ATXN7: variants seen among roughly 807,000 people sequenced by gnomAD.
ATXN7 encodes ataxin-7.
Under a neutral mutation model 70.5 loss-of-function variants are expected in ATXN7, and 12 were observed. The ratio of observed to expected loss-of-function variants is 0.17; its 90% CI spans 0.11 to 0.28. ATXN7 has a LOEUF of 0.28. Among genes scored for constraint, ATXN7 ranks in the 10% least tolerant of loss-of-function variants. ATXN7 has a pLI of 1.00. For missense variants in ATXN7, 1,256 were observed against 1,131.7 expected (o/e 1.11, Z -1.58); for synonymous variants, 498 against 448.7 (o/e 1.11, Z -1.39).
chr3:63,964,109 C>T (rs1486460306), intron 5 of ATXN7, among the ~76,000 whole-genome samples: 2 of 144,332 alleles, frequency 1.4e-5, no homozygotes, highest in African/African-American at 2.6e-5. Context: ...CACACACACA[C>T]GTATGATTAA....
chr3:63,944,982 G>A lies in ATXN7; in HGVS notation c.395-7397G>A, dbSNP rs112826319. On this transcript the variant is annotated intron_variant, in intron 4 of 12. Transcript: ENST00000674280. ...AATTTTTGTAATTTTAGTAGAGATGGAGTTTCACCATGTTGGCCAGGGTGG... is the reference window on the plus strand; with the variant it reads ...AATTTTTGTAATTTTAGTAGAGATGAAGTTTCACCATGTTGGCCAGGGTGG... Among the ~76,000 whole-genome samples, 715 of 152,276 alleles carry A rather than the reference G, an allele frequency of 4.7e-3. 2 individuals carry two copies. The highest frequency in any genetic ancestry group is 7.9e-3 in the Non-Finnish European group (540 of 68,014).
chr3:63,975,966 C>T (rs1449757678), intron 5 of ATXN7, among the ~76,000 whole-genome samples: 1 of 152,210 alleles, frequency 6.6e-6, no homozygotes, highest in African/African-American at 2.4e-5. Context: ...TGGAGCCATT[C>T]ATCATGCCCT....
chr3:63,990,663 C>T, intron 10 of ATXN7, 75 bp from the exon 11 acceptor site: 1 of 1,606,364 alleles, frequency 6.2e-7, no homozygotes, highest in African/African-American at 1.3e-5. Flanking sequence ...AGCTCCTTTC[C>T]TGAAGGATCT....
chr3:63,989,553 T>C lies in ATXN7; in HGVS notation c.1362-623T>C, dbSNP rs560822899. Among the ~76,000 whole-genome samples, 340 of 151,790 alleles carry C rather than the reference T, an allele frequency of 2.2e-3. 1 individual carries two copies. The highest frequency in any genetic ancestry group is 3.7e-3 in the Non-Finnish European group (254 of 67,956). On this transcript the variant is annotated intron_variant, in intron 9 of 12. Coordinates refer to ENST00000674280, the MANE Select transcript of ATXN7 (RefSeq NM_001377405.1). ...AAGAAAAATTGTGTCGTACTGAACA[T>C]GTATAGGCTTTTTTTTTTTCTTGTC...
At chr3:63,973,071 T>C (rs2075339800) in intron 5 of ATXN7, among the ~76,000 whole-genome samples, 1 of 152,166 alleles carries the variant, frequency 6.6e-6, no homozygotes, top group Non-Finnish European at 1.5e-5. Context: ...CAAAGTAGGC[T>C]TGGCAACTGA....
At chr3:63,919,913 A>G (rs768161980) in intron 4 of ATXN7, among the ~76,000 whole-genome samples, 45 of 151,794 alleles carry the variant, frequency 3.0e-4, no homozygotes, top group Non-Finnish European at 1.3e-4. Context: ...CCCTCATGGT[A>G]TGTAAATATG....
chr3:63,976,175 A>G (rs894201336), intron 5 of ATXN7, among the ~76,000 whole-genome samples: 1 of 152,180 alleles, frequency 6.6e-6, no homozygotes, highest in African/African-American at 2.4e-5. Flanking sequence ...CTGGGAGCAA[A>G]CACTTTTTTA....
chr3:63,999,483 C>T lies in ATXN7; in HGVS notation c.*16C>T, dbSNP rs1211731978. On this transcript the variant is annotated 3_prime_UTR_variant, in exon 13 of 13. Coordinates refer to ENST00000674280, the MANE Select transcript of ATXN7 (RefSeq NM_001377405.1). ...ACGTCCCTGACAGCTGAAAATAGCA[C>T]GGGGAGGAATAATGCGGACACTTTT... 2 of 1,613,832 alleles carry T rather than the reference C, an allele frequency of 1.2e-6. No individual in the cohort carries two copies. Among genetic ancestry groups the T allele is most frequent in the Non-Finnish European group, 8.5e-7 (1 of 1,179,926 alleles).
chr3:63,949,490 C>T (rs2074919164), intron 4 of ATXN7, among the ~76,000 whole-genome samples: 1 of 152,114 alleles, frequency 6.6e-6, no homozygotes, highest in Non-Finnish European at 1.5e-5. Context: ...CCTCCACCTC[C>T]CAGGTTCAAG....
intron 2 of ATXN7, chr3:63,904,664 T>A (rs1430419518): frequency 6.6e-6 from 1 of 152,238 alleles, no homozygotes; most frequent in Admixed American, 6.5e-5. Flanking sequence ...TGTTTCCACC[T>A]TTTGGCTTTT....
chr3:63,976,689 C>G (rs1179918158), intron 5 of ATXN7, among the ~76,000 whole-genome samples: 1 of 152,118 alleles, frequency 6.6e-6, no homozygotes, highest in East Asian at 1.9e-4. Flanking sequence ...ATTGAAAGGA[C>G]AAGCTTAAAG....
intron 5 of ATXN7, among the ~76,000 whole-genome samples, chr3:63,978,182 A>G (rs1176664032): frequency 2.0e-5 from 3 of 152,184 alleles, no homozygotes; most frequent in Non-Finnish European, 4.4e-5. Context: ...CCCCAAACGA[A>G]TTAACTCAGT....
chr3:63,865,627 C>A (rs1221576205), intron 1 of ATXN7, among the ~76,000 whole-genome samples: 2 of 152,182 alleles, frequency 1.3e-5, no homozygotes, highest in East Asian at 3.9e-4. Context: ...CGCGGTGGCT[C>A]ACGCCTGTAA....
chr3:63,944,521 G>A (rs1575931548), intron 4 of ATXN7, among the ~76,000 whole-genome samples: 1 of 152,274 alleles, frequency 6.6e-6, no homozygotes, highest in East Asian at 1.9e-4. Flanking sequence ...TGGGCAGGAT[G>A]GAGTGGGATG....
intron 4 of ATXN7, among the ~76,000 whole-genome samples, chr3:63,941,234 G>T (rs576286597): frequency 6.6e-6 from 1 of 152,096 alleles, no homozygotes; most frequent in African/African-American, 2.4e-5. Flanking sequence ...TGGTCGTCTG[G>T]TGCAGGGGTC....
At position 63,990,735 on chromosome 3, in the gene ATXN7, C is replaced by T; in HGVS notation, c.1561-3C>T. On this transcript the variant is annotated splice_region_variant and splice_polypyrimidine_tract_variant and intron_variant, in intron 10 of 12. Transcript: ENST00000674280. ...AAGCACGCGGCTATGTTTTCTCTTG[C>T]AGTTTTGCACATTTGGGAGCCGGCA... 3 of 1,614,146 alleles carry T rather than the reference C, an allele frequency of 1.9e-6. No individual in the cohort carries two copies. Among genetic ancestry groups the T allele is most frequent in the Non-Finnish European group, 2.5e-6 (3 of 1,180,024 alleles).
intron 4 of ATXN7, among the ~76,000 whole-genome samples, chr3:63,942,889 G>A (rs2074794758): frequency 6.6e-6 from 1 of 152,164 alleles, no homozygotes; most frequent in Non-Finnish European, 1.5e-5. Flanking sequence ...TTGCCCAAGG[G>A]TCATGCTCCT....
At chr3:63,979,153 A>T (rs1244987174) in intron 5 of ATXN7, among the ~76,000 whole-genome samples, 4 of 152,254 alleles carry the variant, frequency 2.6e-5, no homozygotes, top group African/African-American at 9.6e-5. Flanking sequence ...TCTCCAGTGG[A>T]TAGATTTATT....
chr3:63,923,889 G>A (rs543324289), intron 4 of ATXN7, among the ~76,000 whole-genome samples: 1 of 152,294 alleles, frequency 6.6e-6, no homozygotes, highest in East Asian at 1.9e-4. Context: ...ATGCTGACAA[G>A]GTTAGACTGT....
Sources: gnomAD v4.1 joint callset for allele counts (sites outside exome capture counted in the v4.1 genomes callset) on GRCh38, gnomAD v4.1.1 for gene constraint, MANE v1.5 for transcripts, NCBI Gene and HGNC (gene_info 2026-07-23, HGNC 2026-07-21) for gene names.